FIGN: variants seen among roughly 807,000 people sequenced by gnomAD.
FIGN encodes fidgetin, microtubule severing factor.
In FIGN, 11 loss-of-function variants were observed where a neutral mutation model predicts 51.3. That is an observed-to-expected ratio of 0.21 (90% CI 0.13 to 0.35). The LOEUF (loss-of-function observed/expected upper bound fraction) is 0.35. FIGN is among the 10% of genes least tolerant of loss of function. The pLI is 1.00. For missense variants in FIGN, 857 were observed against 943.6 expected, an observed-to-expected ratio of 0.91 and a Z score of 1.20; for synonymous variants, 407 against 363.2, an observed-to-expected ratio of 1.12 and a Z score of -1.37.
chr2:163,605,835 C>T lies in FIGN; in HGVS notation c.*3717G>A, dbSNP rs778580939. The stretch of plus-strand genomic sequence containing the variant: ...AAGAAATTCTAAATGTCTCTAAAAA[C>T]GTATTTTCCAACCCACAAATATATT... On this transcript the variant is annotated 3_prime_UTR_variant, in exon 3 of 3. Transcript: ENST00000333129. The T allele has an allele frequency of 5.3e-5, 8 of 151,090 alleles. No homozygotes were observed. Among genetic ancestry groups the T allele is most frequent in the Non-Finnish European group, 1.0e-4 (7 of 67,852 alleles). 9.4% of individuals were successfully genotyped at this position (151,090 alleles called of 1,614,324 possible). A position where few individuals can be genotyped will look rare whatever the true frequency, so the allele number is the denominator to read the frequency against.
chr2:163,639,015 T>G (rs1314171320), intron 2 of FIGN, among the ~76,000 whole-genome samples: 2 of 152,144 alleles, frequency 1.3e-5, no homozygotes, highest in African/African-American at 4.8e-5. Context: ...AGTATAGAAT[T>G]TTTATGGATT....
Position 163,603,386 on chromosome 2 carries a change from A to G in FIGN, c.*6166T>C, listed in dbSNP as rs1292586903. On this transcript the variant is annotated 3_prime_UTR_variant, in exon 3 of 3. Transcript: ENST00000333129. ...TTCAATTTAAGCAAATAAAATCAAT[A>G]TGGTCAGGGAAGCAAAGTGCACAGA... 1 of 152,110 alleles carries G rather than the reference A, an allele frequency of 6.6e-6. No individual in the cohort carries two copies. Among genetic ancestry groups the G allele is most frequent in the East Asian group, 1.9e-4 (1 of 5,184 alleles). 9.4% of individuals were successfully genotyped at this position (152,110 alleles called of 1,614,324 possible).
At chr2:163,682,489 A>G (rs191843713) in intron 2 of FIGN, among the ~76,000 whole-genome samples, 10 of 152,334 alleles carry the variant, frequency 6.6e-5, no homozygotes, top group African/African-American at 2.2e-4. Flanking sequence ...CAGACATGCA[A>G]TCTTGTTATG....
intron 2 of FIGN, among the ~76,000 whole-genome samples, chr2:163,729,998 A>G (rs1362028370): frequency 2.0e-5 from 3 of 152,162 alleles, no homozygotes; most frequent in African/African-American, 4.8e-5. Flanking sequence ...CTGATCACCT[A>G]TCTTTTCTGC....
At chr2:163,728,882 G>A (rs181143740) in intron 2 of FIGN, among the ~76,000 whole-genome samples, 1 of 152,256 alleles carries the variant, frequency 6.6e-6, no homozygotes, top group East Asian at 1.9e-4. Flanking sequence ...CTGGGTCTCA[G>A]AAATTATGTA....
chr2:163,718,916 G>A (rs1455112076), intron 2 of FIGN, among the ~76,000 whole-genome samples: 1 of 152,010 alleles, frequency 6.6e-6, no homozygotes, highest in East Asian at 1.9e-4. Context: ...TGGTCCATTT[G>A]AATAAATTCT....
rs761484365 is a variant in FIGN, at chr2:163,611,014, G to A, written c.818C>T (p.Ala273Val). ...AGCAGGAATTCCTGAAGGCAGGTAC[G>A]CTGAAGGCGGAGGCGGTGCCCCCCC... ...SPGGAPPPPS[A>V]YLPSGIPAPT... The change falls in exon 3 of 3, where the codon GCG becomes GTG. Residue 273 changes from alanine (A) to valine (V), a missense_variant. Transcript: ENST00000333129. 7.4e-6 allele frequency: 12 copies of A among 1,613,804 alleles called. No homozygotes were observed. The highest frequency in any genetic ancestry group is 3.3e-5 in the Admixed American group (2 of 60,022).
At chr2:163,618,055 T>C (rs1445641156) in intron 2 of FIGN, among the ~76,000 whole-genome samples, 2 of 152,166 alleles carry the variant, frequency 1.3e-5, no homozygotes, top group Non-Finnish European at 2.9e-5. Context: ...GTGGGACTGT[T>C]GGTTCCAAGA....
In FIGN at chr2:163,652,918, G is replaced by A. The variant is rs144788516; in HGVS notation, c.26-41112C>T. ...GCAGGAAATGACCAATTACTATAGC[G>A]TGAGGAATACTGTTTACTCCCATTC... On this transcript the variant is annotated intron_variant, in intron 2 of 2. Transcript: ENST00000333129. Among the ~76,000 whole-genome samples the A allele has an allele frequency of 1.6e-3, 246 of 152,184 alleles. 6 individuals carry two copies. In the East Asian group the frequency reaches 0.024, roughly 15 times the overall value.
At chr2:163,728,176 C>A (rs188536749) in intron 2 of FIGN, among the ~76,000 whole-genome samples, 15 of 152,204 alleles carry the variant, frequency 9.9e-5, no homozygotes, top group Admixed American at 5.2e-4. Context: ...TCTGCCCCCC[C>A]CTTCCTGTCA....
chr2:163,638,249 A>G (rs1683256103), intron 2 of FIGN, among the ~76,000 whole-genome samples: 1 of 151,922 alleles, frequency 6.6e-6, no homozygotes, highest in South Asian at 2.1e-4. Context: ...TCTTTAAAAG[A>G]TCAAGACAGA....
intron 2 of FIGN, among the ~76,000 whole-genome samples, chr2:163,683,882 A>C (rs1402854542): frequency 6.6e-6 from 1 of 152,144 alleles, no homozygotes; most frequent in African/African-American, 2.4e-5. Context: ...TTTTTTATTA[A>C]GGTTGTTTTT....
chr2:163,693,587 G>T (rs940263361), intron 2 of FIGN, among the ~76,000 whole-genome samples: 7 of 152,048 alleles, frequency 4.6e-5, no homozygotes, highest in Non-Finnish European at 1.0e-4. Context: ...AATTAGAGTA[G>T]TTACATCAAT....
chr2:163,716,034 C>A (rs1413451479), intron 2 of FIGN, among the ~76,000 whole-genome samples: 3 of 152,176 alleles, frequency 2.0e-5, no homozygotes, highest in Non-Finnish European at 4.4e-5. Flanking sequence ...TCCTAGTAAA[C>A]TATTTATGCC....
chr2:163,704,656 TCACACACA>T (rs369275881), intron 2 of FIGN, among the ~76,000 whole-genome samples: 24 of 129,790 alleles, frequency 1.8e-4, no homozygotes, highest in South Asian at 2.5e-4. Flanking sequence ...TCTCTCTCTC[TCACACACA>T]CACACACACA....
In FIGN at chr2:163,704,370, T is replaced by G. The variant is rs73017740; in HGVS notation, c.25+30533A>C. 1.7e-3 allele frequency among the ~76,000 whole-genome samples: 253 copies of G among 152,138 alleles called. 1 individual carries two copies. Among genetic ancestry groups the G allele is most frequent in the African/African-American group, 5.8e-3 (242 of 41,500 alleles). The stretch of plus-strand genomic sequence containing the variant: ...GCATAAAGTGGCAATTCTGTGGTGA[T>G]GATGACACGTCAGTTTCAGAACATG... On this transcript the variant is annotated intron_variant, in intron 2 of 2. Transcript: ENST00000333129.
intron 2 of FIGN, among the ~76,000 whole-genome samples, chr2:163,667,144 C>A (rs1472168589): frequency 2.6e-5 from 4 of 152,084 alleles, no homozygotes; most frequent in African/African-American, 9.7e-5. Context: ...TCATCCCACT[C>A]TGAACCACTC....
chr2:163,690,452 A>G (rs1684223140), intron 2 of FIGN, among the ~76,000 whole-genome samples: 2 of 152,166 alleles, frequency 1.3e-5, no homozygotes, highest in South Asian at 4.1e-4. Flanking sequence ...GGTGAGAATC[A>G]AAAACTAATG....
intron 2 of FIGN, among the ~76,000 whole-genome samples, chr2:163,618,230 T>C (rs951624448): frequency 6.6e-6 from 1 of 152,178 alleles, no homozygotes; most frequent in African/African-American, 2.4e-5. Flanking sequence ...TACTTAGAGG[T>C]TGAAGACTAG....
Sources: gnomAD v4.1 joint callset for allele counts (sites outside exome capture counted in the v4.1 genomes callset) on GRCh38, gnomAD v4.1.1 for gene constraint, MANE v1.5 for transcripts, NCBI Gene and HGNC (gene_info 2026-07-23, HGNC 2026-07-21) for gene names.